Variants in PTPN9 observed in about 807,000 individuals in gnomAD.
PTPN9 encodes protein tyrosine phosphatase non-receptor type 9.
Under a neutral mutation model 69.8 loss-of-function variants are expected in PTPN9, and 26 were observed. The ratio of observed to expected loss-of-function variants is 0.37; its 90% confidence interval spans 0.27 to 0.52. PTPN9 has a LOEUF of 0.52. Ranked by LOEUF, PTPN9 falls within the 20% of genes least tolerant of loss-of-function variation. PTPN9 has a pLI of 0.91. For synonymous variants in PTPN9, 274 were observed against 272.5 expected (o/e 1.01, Z -0.05); for missense variants, 549 against 740.3 (o/e 0.74, Z 3.00).
At chr15:75,500,870 G>C (rs1298205988) in intron 7 of PTPN9, among the ~76,000 whole-genome samples, 3 of 152,062 alleles carry the variant, frequency 2.0e-5, no homozygotes, top group African/African-American at 7.2e-5. Context: ...CTGGGGGACA[G>C]AGCAAGACCC....
At chr15:75,512,030 A>G (rs2074847971) in intron 5 of PTPN9, among the ~76,000 whole-genome samples, 1 of 152,114 alleles carries the variant, frequency 6.6e-6, no homozygotes, top group Admixed American at 6.6e-5. Context: ...TTTTTAGCAG[A>G]GATGGGTTTT....
rs146977327 is a variant in PTPN9, at chr15:75,474,241, C to T, written c.1130-474G>A. On this transcript the variant is annotated intron_variant, in intron 9 of 12. Transcript: ENST00000618819. The stretch of plus-strand genomic sequence containing the variant: ...CCTTCAAAATTAGCTTTATCTTGGC[C>T]GGGTGCAGTGGCTCATGCCTATAAT... Among the ~76,000 whole-genome samples the T allele has an allele frequency of 3.0e-3, 452 of 152,266 alleles. 11 individuals carry two copies. The highest frequency in any genetic ancestry group is 0.027 in the Admixed American group (419 of 15,290).
chr15:75,555,645 C>T (rs1796268528), intron 1 of PTPN9, among the ~76,000 whole-genome samples: 1 of 151,988 alleles, frequency 6.6e-6, no homozygotes, highest in Non-Finnish European at 1.5e-5. Context: ...GCTGGGATTA[C>T]AGGCGTGCAC....
intron 1 of PTPN9, among the ~76,000 whole-genome samples, chr15:75,576,940 A>G (rs1363857561): frequency 2.0e-5 from 3 of 152,334 alleles, no homozygotes; most frequent in East Asian, 3.9e-4. Context: ...TTTTGTTTCA[A>G]TATTTTGAAA....
At chr15:75,556,379 TTTA>T (rs932773708) in intron 1 of PTPN9, among the ~76,000 whole-genome samples, 1 of 145,162 alleles carries the variant, frequency 6.9e-6, no homozygotes, top group African/African-American at 2.6e-5. Context: ...TAATTATTAT[TTTA>T]TTATTATTAT....
Position 75,465,543 on chromosome 15 carries a change from G to A in PTPN9, c.*3226C>T, listed in dbSNP as rs2074533477. Reference sequence around the variant, plus strand: ...CACCTAACACAGGTAGGTTCACGCTGGTAAAAGCTACAAACAATGGCAGTG... The same window carrying A: ...CACCTAACACAGGTAGGTTCACGCTAGTAAAAGCTACAAACAATGGCAGTG... On this transcript the variant is annotated 3_prime_UTR_variant, in exon 13 of 13. Transcript: ENST00000618819. 1 of 152,152 alleles carries A rather than the reference G, an allele frequency of 6.6e-6. No individual in the cohort carries two copies. Among genetic ancestry groups the A allele is most frequent in the Non-Finnish European group, 1.5e-5 (1 of 68,040 alleles). 9.4% of individuals were successfully genotyped at this position (152,152 alleles called of 1,614,324 possible).
chr15:75,578,637 G>T (rs538694578), intron 1 of PTPN9, 77 bp downstream of exon 1: 2 of 1,162,894 alleles, frequency 1.7e-6, no homozygotes, highest in South Asian at 2.7e-5. Flanking sequence ...GCAAAGAGCC[G>T]GCACTCGGGA....
chr15:75,468,763 G>A lies in PTPN9; in HGVS notation c.*6C>T. On this transcript the variant is annotated 3_prime_UTR_variant, in exon 13 of 13. Transcript: ENST00000618819. ...CTGGCCAACAGGTAGGAGGTTCGTAGGAGAGTTACTGACTCTCCACGGCCA... is the reference window on the plus strand; with the variant it reads ...CTGGCCAACAGGTAGGAGGTTCGTAAGAGAGTTACTGACTCTCCACGGCCA... 6.2e-7 allele frequency: 1 copy of A among 1,612,776 alleles called. No homozygotes were observed. The highest frequency in any genetic ancestry group is 8.5e-7 in the Non-Finnish European group (1 of 1,179,346).
chr15:75,508,977 T>C lies in PTPN9; in HGVS notation c.579A>G (p.Ile193Met). Residue 193 changes from isoleucine to methionine, a missense_variant, in exon 6 of 13, where the codon ATA becomes ATG. Transcript: ENST00000618819. ...LKKVLIVGAP[I>M]WFRVPYSIIS... ...TGATGGAATAGGGCACTCGGAACCA[T>C]ATGGGTGCCCCCACAATCAGCACCT... 1.9e-6 allele frequency: 3 copies of C among 1,614,160 alleles called. No homozygotes were observed. The highest frequency in any genetic ancestry group is 2.5e-6 in the Non-Finnish European group (3 of 1,180,000).
chr15:75,565,247 C>A (rs2075121908), intron 1 of PTPN9, among the ~76,000 whole-genome samples: 1 of 151,906 alleles, frequency 6.6e-6, no homozygotes, highest in Non-Finnish European at 1.5e-5. Context: ...TGCTATAAAA[C>A]AATTGGTTTT....
Position 75,465,408 on chromosome 15 carries a change from G to A in PTPN9, c.*3361C>T, listed in dbSNP as rs774534950. 6.6e-6 allele frequency: 1 copy of A among 152,128 alleles called. No homozygotes were observed. Among genetic ancestry groups the A allele is most frequent in the Non-Finnish European group, 1.5e-5 (1 of 68,034 alleles). 9.4% of individuals were successfully genotyped at this position (152,128 alleles called of 1,614,324 possible). A position where few individuals can be genotyped will look rare whatever the true frequency, so the allele number is the denominator to read the frequency against. ...CATAAAGCCACTGCACTTGGACCCTGAGCATTTTCTCTTGCTTTGTTCACT... is the reference window on the plus strand; with the variant it reads ...CATAAAGCCACTGCACTTGGACCCTAAGCATTTTCTCTTGCTTTGTTCACT... On this transcript the variant is annotated 3_prime_UTR_variant, in exon 13 of 13. Coordinates refer to ENST00000618819, the MANE Select transcript of PTPN9 (RefSeq NM_002833.4).
intron 9 of PTPN9, among the ~76,000 whole-genome samples, chr15:75,476,781 A>C (rs1352618777): frequency 6.6e-6 from 1 of 152,236 alleles, no homozygotes; most frequent in Non-Finnish European, 1.5e-5. Context: ...ATACACATCA[A>C]GAAGACAGTA....
At chr15:75,518,114 G>A (rs1345385842) in intron 4 of PTPN9, among the ~76,000 whole-genome samples, 1 of 152,162 alleles carries the variant, frequency 6.6e-6, no homozygotes, top group Non-Finnish European at 1.5e-5. Context: ...GTTCATGACT[G>A]TAGTCTCAGT....
chr15:75,496,584 C>T (rs533816100), intron 7 of PTPN9, among the ~76,000 whole-genome samples: 72 of 150,800 alleles, frequency 4.8e-4, no homozygotes, highest in Non-Finnish European at 7.8e-4. Flanking sequence ...GCAGCCTCAA[C>T]GTCCCAGGCT....
chr15:75,565,147 TAA>T (rs2075121426), intron 1 of PTPN9, among the ~76,000 whole-genome samples: 1 of 147,280 alleles, frequency 6.8e-6, no homozygotes, highest in African/African-American at 2.5e-5. Flanking sequence ...ATAATAATAA[TAA>T]TTTTTTAAAA....
At chr15:75,515,944 T>C (rs1273290119) in intron 5 of PTPN9, among the ~76,000 whole-genome samples, 1 of 151,920 alleles carries the variant, frequency 6.6e-6, no homozygotes, top group Non-Finnish European at 1.5e-5. Flanking sequence ...AAATAAAAAA[T>C]AAATTTTAAA....
In PTPN9 at chr15:75,541,942, CAGA is replaced by C. The variant is rs147485977; in HGVS notation, c.64-14684_64-14682del. 8.0e-3 allele frequency among the ~76,000 whole-genome samples: 1,210 copies of C among 151,874 alleles called. 20 individuals are homozygous for C. The highest frequency in any genetic ancestry group is 0.028 in the African/African-American group (1,147 of 41,422). ...AGTCCCAGCTACTCAGAGGCTGAGG[CAGA>C]AGAATCGCCTGAACCTAGGAGGCAG... On this transcript the variant is annotated intron_variant, in intron 1 of 12. Coordinates refer to ENST00000618819, the MANE Select transcript of PTPN9 (RefSeq NM_002833.4).
intron 1 of PTPN9, among the ~76,000 whole-genome samples, chr15:75,550,973 C>T (rs2075054392): frequency 6.6e-6 from 1 of 152,170 alleles, no homozygotes; most frequent in Non-Finnish European, 1.5e-5. Context: ...AAAGGAAAAG[C>T]CTGGAAGGAG....
At chr15:75,474,438 G>A (rs2074584821) in intron 9 of PTPN9, among the ~76,000 whole-genome samples, 1 of 152,126 alleles carries the variant, frequency 6.6e-6, no homozygotes, top group South Asian at 2.1e-4. Context: ...AGAATTGCTT[G>A]ACCCCGGGAG....
Sources: gnomAD v4.1 joint callset for allele counts (sites outside exome capture counted in the v4.1 genomes callset) on GRCh38, gnomAD v4.1.1 for gene constraint, MANE v1.5 for transcripts, NCBI Gene and HGNC (gene_info 2026-07-23, HGNC 2026-07-21) for gene names.